The following GALNT14 variants were observed in gnomAD, a reference collection of about 807,000 sequenced individuals.
GALNT14 encodes the protein UDP-GalNAc:polypeptide N-acetylgalactosaminyltransferase 14.
Under a neutral mutation model 77.5 loss-of-function variants are expected in GALNT14, and 60 were observed. That is an observed-to-expected ratio of 0.77 (90% CI 0.63 to 0.96). The LOEUF is 0.96. Among genes scored for constraint, GALNT14 ranks in the 40% least tolerant of loss-of-function variants. The pLI, the probability that GALNT14 is intolerant of heterozygous loss-of-function variation, is 0.00. For missense variants in GALNT14, 710 were observed against 731.0 expected, an observed-to-expected ratio of 0.97 and a Z score of 0.33; for synonymous variants, 280 against 281.7, an observed-to-expected ratio of 0.99 and a Z score of 0.06.
intron 1 of GALNT14, among the ~76,000 whole-genome samples, chr2:31,055,827 G>A (rs1049828895): frequency 6.6e-6 from 1 of 152,214 alleles, no homozygotes; most frequent in Non-Finnish European, 1.5e-5. Flanking sequence ...CAACCAGAGA[G>A]GACAGCAGCC....
At chr2:31,115,340 T>C (rs886979752) in intron 1 of GALNT14, among the ~76,000 whole-genome samples, 2 of 152,128 alleles carry the variant, frequency 1.3e-5, no homozygotes, top group African/African-American at 4.8e-5. Context: ...TATCCACCTG[T>C]CTAATTTGTA....
At chr2:31,084,589 TG>T (rs1438909681) in intron 1 of GALNT14, among the ~76,000 whole-genome samples, 12 of 152,124 alleles carry the variant, frequency 7.9e-5, no homozygotes, top group Non-Finnish European at 1.0e-4. Flanking sequence ...GAAGCATGGG[TG>T]CAAACATGTC....
intron 1 of GALNT14, among the ~76,000 whole-genome samples, chr2:31,071,520 T>C (rs1285768501): frequency 1.3e-5 from 2 of 152,170 alleles, no homozygotes; most frequent in Non-Finnish European, 2.9e-5. Flanking sequence ...CCTGCCCACC[T>C]AGACAGACAG....
chr2:31,011,673 G>A (rs1671039383), intron 1 of GALNT14, among the ~76,000 whole-genome samples: 1 of 152,094 alleles, frequency 6.6e-6, no homozygotes, highest in Non-Finnish European at 1.5e-5. Flanking sequence ...GACCTGTCTG[G>A]CAGCAAATAA....
At position 31,011,993 on chromosome 2, in the gene GALNT14, G is replaced by A. The variant is rs375045131; in HGVS notation, c.130-18986C>T. Among the ~76,000 whole-genome samples the A allele has an allele frequency of 6.7e-5, 10 of 150,184 alleles. No individual in the cohort carries two copies. In the East Asian group the frequency reaches 7.7e-4, roughly 12 times the overall value. On this transcript the variant is annotated intron_variant, in intron 1 of 14. Coordinates refer to ENST00000349752, the MANE Select transcript of GALNT14 (RefSeq NM_024572.4). ...CCCAGGAGCTGAAGGTGTTTGAAAC[G>A]GGCAGGGGCAAAGAAGGGTGGGGAA...
chr2:31,032,877 T>C (rs1672501345), intron 1 of GALNT14, among the ~76,000 whole-genome samples: 2 of 152,038 alleles, frequency 1.3e-5, no homozygotes, highest in Non-Finnish European at 2.9e-5. Flanking sequence ...CTGGACTCTG[T>C]AGAAGAAGAA....
chr2:30,923,056 CTTTTT>C (rs56163710), intron 13 of GALNT14, among the ~76,000 whole-genome samples: 7 of 116,532 alleles, frequency 6.0e-5, no homozygotes, highest in East Asian at 2.7e-4. Context: ...ACAAACGTGC[CTTTTT>C]TTTTTTTTTT....
At chr2:30,969,952 G>A (rs1668246845) in intron 2 of GALNT14, among the ~76,000 whole-genome samples, 1 of 152,294 alleles carries the variant, frequency 6.6e-6, no homozygotes, top group East Asian at 1.9e-4. Context: ...TTGTCAATGG[G>A]CATCCGACAT....
intron 1 of GALNT14, among the ~76,000 whole-genome samples, chr2:31,031,997 C>T (rs1382435922): frequency 6.6e-6 from 1 of 152,210 alleles, no homozygotes; most frequent in Non-Finnish European, 1.5e-5. Flanking sequence ...CAGTCAGCTG[C>T]AGAGGACCTG....
At chr2:30,886,844 A>C in the GALNT14 span, among the ~76,000 whole-genome samples, 1 of 152,230 alleles carries the variant, frequency 6.6e-6, no homozygotes, top group Non-Finnish European at 1.5e-5. Context: ...CAACACCTTG[A>C]TCTTGTCCCA....
chr2:31,004,581 T>C (rs1184337250), intron 1 of GALNT14, among the ~76,000 whole-genome samples: 1 of 152,094 alleles, frequency 6.6e-6, no homozygotes, highest in African/African-American at 2.4e-5. Context: ...TGCAGCCATC[T>C]CTCAGAGACA....
chr2:30,915,365 G>A (rs1221311300), intron 13 of GALNT14, among the ~76,000 whole-genome samples: 1 of 152,178 alleles, frequency 6.6e-6, no homozygotes, highest in Non-Finnish European at 1.5e-5. Context: ...AACAGGCACA[G>A]CTAATGAAGC....
At chr2:31,118,086 G>A (rs887436234) in intron 1 of GALNT14, among the ~76,000 whole-genome samples, 12 of 152,162 alleles carry the variant, frequency 7.9e-5, no homozygotes, top group African/African-American at 2.9e-4. Flanking sequence ...CCCAAACAAC[G>A]AGACATCAGA....
At chr2:31,031,508 T>G (rs1862967) in intron 1 of GALNT14, among the ~76,000 whole-genome samples, 7 of 151,886 alleles carry the variant, frequency 4.6e-5, no homozygotes, top group Admixed American at 2.0e-4. Context: ...TGCATGGCCA[T>G]GCAAATCCTT....
intron 1 of GALNT14, among the ~76,000 whole-genome samples, chr2:31,055,576 T>C (rs571466171): frequency 6.6e-6 from 1 of 152,332 alleles, no homozygotes; most frequent in South Asian, 2.1e-4. Context: ...TCTGTGCCAC[T>C]GATCCAACTA....
At chr2:31,011,803 A>T (rs1463334133) in intron 1 of GALNT14, among the ~76,000 whole-genome samples, 1 of 152,144 alleles carries the variant, frequency 6.6e-6, no homozygotes, top group African/African-American at 2.4e-5. Context: ...TGCTGTGCAG[A>T]GGGACTCCAT....
At chr2:30,893,185 C>T in the GALNT14 span, among the ~76,000 whole-genome samples, 2 of 152,160 alleles carry the variant, frequency 1.3e-5, no homozygotes, top group Admixed American at 6.5e-5. Context: ...AAGAAAATTC[C>T]TAGGATGTTT....
intron 1 of GALNT14, among the ~76,000 whole-genome samples, chr2:31,098,604 G>T (rs1383735487): frequency 1.3e-5 from 2 of 152,072 alleles, no homozygotes; most frequent in Non-Finnish European, 2.9e-5. Flanking sequence ...TATACAAATA[G>T]ATGTAAGTAT....
intron 2 of GALNT14, among the ~76,000 whole-genome samples, chr2:30,971,599 G>C (rs1668360994): frequency 6.6e-6 from 1 of 152,128 alleles, no homozygotes; most frequent in South Asian, 2.1e-4. Flanking sequence ...GGGGCTCCAA[G>C]GGCTTCCTGC....
Sources: allele counts gnomAD v4.1 joint callset (sites outside exome capture counted in the v4.1 genomes callset), GRCh38; gene constraint gnomAD v4.1.1; transcripts MANE v1.5; gene names NCBI Gene and HGNC (gene_info 2026-07-23, HGNC 2026-07-21).